The following OPRM1 variants were observed in gnomAD, a reference collection of about 807,000 sequenced individuals.
OPRM1 encodes opioid receptor mu 1.
A neutral mutation model predicts 31.8 loss-of-function variants in OPRM1; 27 were observed. That is an observed-to-expected ratio of 0.85 (90% confidence interval 0.63 to 1.17). The LOEUF is 1.17. OPRM1 is among the 50% of genes most tolerant of loss of function. The pLI, the probability that OPRM1 is intolerant of heterozygous loss-of-function variation, is 0.00. For missense variants in OPRM1, 536 were observed against 511.1 expected, an observed-to-expected ratio of 1.05 and a Z score of -0.47; for synonymous variants, 196 against 189.9, an observed-to-expected ratio of 1.03 and a Z score of -0.26.
chr6:154,064,092 C>T (rs1265228105), intron 1 of OPRM1, among the ~76,000 whole-genome samples: 2 of 152,072 alleles, frequency 1.3e-5, no homozygotes, highest in Non-Finnish European at 2.9e-5. Context: ...TTCCCACCAA[C>T]AGTCCATAAG....
intron 1 of OPRM1, among the ~76,000 whole-genome samples, chr6:154,075,979 A>G (rs900453624): frequency 1.3e-5 from 2 of 152,238 alleles, no homozygotes; most frequent in African/African-American, 4.8e-5. Context: ...TGGCATGTAG[A>G]CAACATTCAT....
rs925261678 is a variant in OPRM1, at chr6:154,127,778, G to A, written c.*9057G>A. On this transcript the variant is annotated 3_prime_UTR_variant, in exon 4 of 4. Coordinates refer to ENST00000330432, the MANE Select transcript of OPRM1 (RefSeq NM_000914.5). ...GCAGGTGGCAAACCTGATTCCTAAT[G>A]CCTGTTCCTGCCTCTGCAGGGGTTC... Among the ~76,000 whole-genome samples, 1 of 152,234 alleles carries A rather than the reference G, an allele frequency of 6.6e-6. No homozygotes were observed. Among genetic ancestry groups the A allele is most frequent in the African/African-American group, 2.4e-5 (1 of 41,466 alleles).
intron 3 of OPRM1, among the ~76,000 whole-genome samples, chr6:154,177,350 C>G (rs1392147051): frequency 6.6e-6 from 1 of 152,150 alleles, no homozygotes; most frequent in East Asian, 1.9e-4. Context: ...AGTGAACAGG[C>G]AACCTACAGA....
intron 1 of OPRM1, among the ~76,000 whole-genome samples, chr6:154,031,082 TA>T (rs1028769111): frequency 5.3e-5 from 8 of 152,140 alleles, no homozygotes; most frequent in Non-Finnish European, 1.2e-4. Flanking sequence ...TTAAAGCAAT[TA>T]AAAAAATAAA....
intron 3 of OPRM1, among the ~76,000 whole-genome samples, chr6:154,230,256 A>C (rs932004221): frequency 6.6e-6 from 1 of 152,208 alleles, no homozygotes; most frequent in African/African-American, 2.4e-5. Flanking sequence ...GAGGTTCATC[A>C]GTTATAACAA....
At position 154,039,772 on chromosome 6, in the gene OPRM1, C is replaced by CG; in HGVS notation, c.228_229insG (p.Tyr77ValfsTer76). ...TCACGGCCATCACGATCATGGCCCT[C>CG]TACTCCATCGTGTGCGTGGTGGGGC... On this transcript the variant is annotated frameshift_variant, in exon 1 of 4. Transcript: ENST00000330432. LOFTEE classifies it high-confidence loss of function. The CG allele has an allele frequency of 6.2e-7, 1 of 1,604,192 alleles. No homozygotes were observed. Among genetic ancestry groups the CG allele is most frequent in the Admixed American group, 1.7e-5 (1 of 60,002 alleles).
intron 1 of OPRM1, among the ~76,000 whole-genome samples, chr6:154,050,683 G>T (rs1782019205): frequency 6.6e-6 from 1 of 151,996 alleles, no homozygotes; most frequent in African/African-American, 2.4e-5. Flanking sequence ...GAATAAATAA[G>T]ACCTACTATC....
At chr6:154,094,970 C>G (rs1158534062) in intron 3 of OPRM1, among the ~76,000 whole-genome samples, 2 of 152,178 alleles carry the variant, frequency 1.3e-5, no homozygotes, top group Non-Finnish European at 2.9e-5. Flanking sequence ...GTCTTGCTCT[C>G]CCAAGCCAGA....
chr6:154,193,953 C>T (rs1258087642), intron 3 of OPRM1, among the ~76,000 whole-genome samples: 2 of 111,934 alleles, frequency 1.8e-5, no homozygotes, highest in Non-Finnish European at 4.0e-5. Context: ...ACATAACAGA[C>T]TTCAAAGACT....
intron 3 of OPRM1, among the ~76,000 whole-genome samples, chr6:154,201,521 G>A (rs889127872): frequency 6.6e-6 from 1 of 152,122 alleles, no homozygotes; most frequent in African/African-American, 2.4e-5. Flanking sequence ...TCCAACAGCA[G>A]ACAAGGTAGA....
intron 3 of OPRM1, among the ~76,000 whole-genome samples, chr6:154,233,359 G>A (rs1164666284): frequency 1.3e-5 from 2 of 151,964 alleles, no homozygotes; most frequent in Non-Finnish European, 2.9e-5. Context: ...TAGTTTATTT[G>A]GAGAATAATA....
intron 3 of OPRM1, among the ~76,000 whole-genome samples, chr6:154,112,055 G>A (rs1041965625): frequency 1.3e-5 from 2 of 152,162 alleles, no homozygotes; most frequent in South Asian, 2.1e-4. Flanking sequence ...TGGAGCCACC[G>A]CGCCTGGCCA....
intron 3 of OPRM1, among the ~76,000 whole-genome samples, chr6:154,093,839 A>G (rs1792869654): frequency 6.6e-6 from 1 of 152,244 alleles, no homozygotes; most frequent in East Asian, 1.9e-4. Context: ...CATTAGAATT[A>G]AAGCAGTTAC....
intron 3 of OPRM1, among the ~76,000 whole-genome samples, chr6:154,169,848 G>A (rs1799734671): frequency 6.6e-6 from 1 of 152,232 alleles, no homozygotes; most frequent in African/African-American, 2.4e-5. Context: ...GGGCCAAGGA[G>A]ACTCAGTTCC....
intron 1 of OPRM1, among the ~76,000 whole-genome samples, chr6:154,053,535 T>C (rs1302788071): frequency 6.6e-6 from 1 of 152,250 alleles, no homozygotes; most frequent in Non-Finnish European, 1.5e-5. Context: ...TCAGACTGTC[T>C]AGCTGGGTAA....
At chr6:154,186,709 A>T (rs1174100806) in intron 3 of OPRM1, among the ~76,000 whole-genome samples, 2 of 151,922 alleles carry the variant, frequency 1.3e-5, no homozygotes, top group African/African-American at 4.8e-5. Flanking sequence ...GGCGCCCGCC[A>T]TCACGCCTGG....
chr6:154,223,483 G>A lies in OPRM1; in HGVS notation c.1165-23210G>A, dbSNP rs570249477. 2.6e-5 allele frequency among the ~76,000 whole-genome samples: 4 copies of A among 152,276 alleles called. No homozygotes were observed. In the South Asian group the frequency reaches 6.2e-4, roughly 24 times the overall value. Reference sequence around the variant, plus strand: ...AAGTGGCATGACATGACACAGCTTAGGGATGGTCACCATATGGCAGGCTTA... The same window carrying A: ...AAGTGGCATGACATGACACAGCTTAAGGATGGTCACCATATGGCAGGCTTA... On this transcript the variant is annotated intron_variant, in intron 3 of 3. Coordinates refer to the OPRM1 transcript ENST00000337049.
At chr6:154,104,138 C>T (rs2128507521) in intron 3 of OPRM1, among the ~76,000 whole-genome samples, 1 of 152,252 alleles carries the variant, frequency 6.6e-6, no homozygotes, top group East Asian at 1.9e-4. Context: ...AATAATATTC[C>T]TGCCTAGCTA....
At chr6:154,087,458 C>T in intron 1 of OPRM1, 2 of 985,404 alleles carry the variant, frequency 2.0e-6, no homozygotes, top group African/African-American at 3.5e-5. Context: ...ATCAGAAGCC[C>T]AAGGAGGGCC....
Sources: gnomAD v4.1 joint callset for allele counts (sites outside exome capture counted in the v4.1 genomes callset) on GRCh38, gnomAD v4.1.1 for gene constraint, MANE v1.5 for transcripts, NCBI Gene and HGNC (gene_info 2026-07-23, HGNC 2026-07-21) for gene names.